The following CLPTM1 variants were observed in gnomAD, a reference collection of about 807,000 sequenced individuals.
CLPTM1 encodes the protein putative lipid scramblase CLPTM1.
A neutral mutation model predicts 77.3 loss-of-function variants in CLPTM1; 21 were observed. The ratio of observed to expected loss-of-function variants is 0.27; its 90% CI spans 0.19 to 0.39. The LOEUF (loss-of-function observed/expected upper bound fraction) is 0.39, where lower values mean the gene tolerates loss of function less well. Ranked by LOEUF, CLPTM1 falls within the 10% of genes least tolerant of loss-of-function variation. The pLI is 1.00. For missense variants in CLPTM1, 642 were observed against 921.2 expected, an observed-to-expected ratio of 0.70 and a Z score of 3.92; for synonymous variants, 373 against 381.0, an observed-to-expected ratio of 0.98 and a Z score of 0.24.
At chr19:44,961,911 G>A in intron 1 of CLPTM1, 52 bp from the exon 2 acceptor site, 1 of 1,275,440 alleles carries the variant, frequency 7.8e-7, no homozygotes, top group Non-Finnish European at 1.1e-6. Flanking sequence ...TGGTGTCTAA[G>A]ACAGCCCCCG....
At chr19:44,965,535 T>C (rs1970614610) in intron 2 of CLPTM1, among the ~76,000 whole-genome samples, 1 of 141,776 alleles carries the variant, frequency 7.1e-6, no homozygotes, top group African/African-American at 2.6e-5. Context: ...CAATCATGGC[T>C]GGGCGCGGTG....
chr19:44,973,761 G>GTTTTTTTT lies in CLPTM1; in HGVS notation c.309+564_309+571dup, dbSNP rs71173113. On this transcript the variant is annotated intron_variant, in intron 3 of 13. Transcript: ENST00000337392. ...GGAAGTTCTTGTTGGGTCACAGTGG[G>GTTTTTTTT]TTTTTTTTTTTTTTTTTTTTGAGAT... Among the ~76,000 whole-genome samples, 347 of 62,324 alleles carry GTTTTTTTT rather than the reference G, an allele frequency of 5.6e-3. 17 individuals carry two copies. Among genetic ancestry groups the GTTTTTTTT allele is most frequent in the East Asian group, 6.7e-3 (18 of 2,696 alleles). The allele number at this position is 62,324 out of a possible 152,430, so 40.9% of individuals were successfully genotyped here. A position where few individuals can be genotyped will look rare whatever the true frequency, so the allele number is the denominator to read the frequency against.
chr19:44,961,480 G>A (rs1970542111), intron 1 of CLPTM1, among the ~76,000 whole-genome samples: 2 of 152,192 alleles, frequency 1.3e-5, no homozygotes, highest in Non-Finnish European at 2.9e-5. Context: ...ACAGTGGACA[G>A]TCATCAGAAT....
Position 44,992,169 on chromosome 19 carries a change from TGCAGAGTGCACAGGGG to T in CLPTM1, c.1556-63_1556-48del. On this transcript the variant is annotated intron_variant, in intron 12 of 13. Transcript: ENST00000337392. This position sits in a 1 kb window ranked among gnomAD's most constrained non-coding sequence, Gnocchi z 7.7. Reference sequence around the variant, plus strand: ...GTGGTGAGGGGGCTGGTATGGCCAGTGCAGAGTGCACAGGGGAGAGGTGGGAGAGGCCATCCCTCTG... The same window carrying T: ...GTGGTGAGGGGGCTGGTATGGCCAGTAGAGGTGGGAGAGGCCATCCCTCTG... 6.4e-7 allele frequency: 1 copy of T among 1,570,078 alleles called. No homozygotes were observed. Among genetic ancestry groups the T allele is most frequent in the Non-Finnish European group, 8.7e-7 (1 of 1,145,394 alleles).
chr19:44,955,478 C>T lies in CLPTM1; in HGVS notation c.72+11C>T. The T allele has an allele frequency of 6.1e-6, 8 of 1,302,358 alleles. No homozygotes were observed. In the South Asian group the frequency reaches 1.9e-4, roughly 31 times the overall value. 80.7% of individuals were successfully genotyped at this position (1,302,358 alleles called of 1,614,324 possible). ...GGCAGCTCCGGTCAGGTACGGAGGC[C>T]GAGAGGGGACTGAGGGGGTTCTTCC... On this transcript the variant is annotated intron_variant, in intron 1 of 13. Coordinates refer to ENST00000337392, the MANE Select transcript of CLPTM1 (RefSeq NM_001294.4).
intron 5 of CLPTM1, among the ~76,000 whole-genome samples, chr19:44,979,788 G>A (rs1018783129): frequency 1.3e-5 from 2 of 152,078 alleles, no homozygotes; most frequent in Non-Finnish European, 2.9e-5. Flanking sequence ...GAAGTGGCTT[G>A]AGGGGGTGTG....
chr19:44,962,588 C>T (rs1970561371), intron 2 of CLPTM1, among the ~76,000 whole-genome samples: 1 of 152,110 alleles, frequency 6.6e-6, no homozygotes, highest in Non-Finnish European at 1.5e-5. Context: ...ACTAGTCATA[C>T]TGGCTTAGTA....
intron 2 of CLPTM1, among the ~76,000 whole-genome samples, chr19:44,963,349 G>A (rs570310947): frequency 9.9e-4 from 145 of 146,364 alleles, no homozygotes; most frequent in African/African-American, 3.4e-3. Context: ...TTTTTGAGAC[G>A]GAGTCTCGCT....
In CLPTM1 at chr19:44,970,829, C is replaced by CT. The variant is rs199584346; in HGVS notation, c.186-2245dup. On this transcript the variant is annotated intron_variant, in intron 2 of 13. Transcript: ENST00000337392. ...CCTGCAAATCCAAGATCCTTTACTT[C>CT]TTTTTTTTTTTTTCCTTGAGATGGA... 3.3e-3 allele frequency among the ~76,000 whole-genome samples: 414 copies of CT among 124,038 alleles called. 34 individuals carry two copies. Among genetic ancestry groups the CT allele is most frequent in the African/African-American group, 9.6e-3 (292 of 30,468 alleles). The allele number at this position is 124,038 out of a possible 152,430, so 81.4% of individuals were successfully genotyped here. A position where few individuals can be genotyped will look rare whatever the true frequency, so the allele number is the denominator to read the frequency against.
Position 44,992,932 on chromosome 19 carries a change from G to A in CLPTM1, c.*35G>A, listed in dbSNP as rs762942367. 41 of 1,601,898 alleles carry A rather than the reference G, an allele frequency of 2.6e-5. No individual in the cohort carries two copies. In the East Asian group the frequency reaches 3.6e-4, roughly 14 times the overall value. ...GTCCTCACCTGCTCCGGCTCCTGGC[G>A]ACCACTACCCCTGCGTCCCGGCCCC... On this transcript the variant is annotated 3_prime_UTR_variant, in exon 14 of 14. Transcript: ENST00000337392. This position sits in a 1 kb window ranked among gnomAD's most constrained non-coding sequence, Gnocchi z 7.7.
upstream of CLPTM1, chr19:44,955,361 G>A (rs540563047): frequency 9.7e-6 from 13 of 1,341,546 alleles, 1 homozygote; most frequent in Non-Finnish European, 9.5e-7. Flanking sequence ...GACGGGGCGG[G>A]GCTGGCGGCG....
At position 44,992,939 on chromosome 19, in the gene CLPTM1, ACCC is replaced by A. The variant is rs753346445; in HGVS notation, c.*44_*46del. 4.4e-6 allele frequency: 7 copies of A among 1,591,520 alleles called. No homozygotes were observed. The highest frequency in any genetic ancestry group is 1.3e-5 in the African/African-American group (1 of 74,408). ...CCTGCTCCGGCTCCTGGCGACCACTACCCCTGCGTCCCGGCCCCCTCGCCTCCC... is the reference window on the plus strand; with the variant it reads ...CCTGCTCCGGCTCCTGGCGACCACTACTGCGTCCCGGCCCCCTCGCCTCCC... On this transcript the variant is annotated 3_prime_UTR_variant, in exon 14 of 14. Transcript: ENST00000337392. This position sits in a 1 kb window ranked among gnomAD's most constrained non-coding sequence, Gnocchi z 7.7.
In CLPTM1 at chr19:44,990,895, T is replaced by A. The variant is rs747220054; in HGVS notation, c.1369T>A (p.Phe457Ile). 2 of 1,613,976 alleles carry A rather than the reference T, an allele frequency of 1.2e-6. No individual in the cohort carries two copies. The highest frequency in any genetic ancestry group is 8.5e-7 in the Non-Finnish European group (1 of 1,179,914). The change falls in exon 11 of 14, where the codon TTC becomes ATC. Residue 457 changes from phenylalanine (F) to isoleucine (I), a missense_variant. Transcript: ENST00000337392. This position sits in a 1 kb window ranked among gnomAD's most constrained non-coding sequence, Gnocchi z 4.8. Reference protein sequence around the residue: ...RVAGIFPRLSFKDKSTYIESS... With the variant: ...RVAGIFPRLSIKDKSTYIESS... ...GGCAGGAATCTTCCCCCGCCTATCC[T>A]TCAAGGACAAGTCCACGTATATCGA...
rs71173113 is a variant in CLPTM1, at chr19:44,973,761, G to GTTTTTTTTT, written c.309+563_309+571dup. On this transcript the variant is annotated intron_variant, in intron 3 of 13. Coordinates refer to ENST00000337392, the MANE Select transcript of CLPTM1 (RefSeq NM_001294.4). ...GGAAGTTCTTGTTGGGTCACAGTGG[G>GTTTTTTTTT]TTTTTTTTTTTTTTTTTTTTGAGAT... Among the ~76,000 whole-genome samples the GTTTTTTTTT allele has an allele frequency of 8.8e-4, 55 of 62,432 alleles. 3 individuals are homozygous for GTTTTTTTTT. The highest frequency in any genetic ancestry group is 1.1e-3 in the East Asian group (3 of 2,696). 41.0% of individuals were successfully genotyped at this position (62,432 alleles called of 152,430 possible).
chr19:44,978,091 C>A (rs1187907656), intron 5 of CLPTM1, among the ~76,000 whole-genome samples: 1 of 149,012 alleles, frequency 6.7e-6, no homozygotes, highest in African/African-American at 2.5e-5. Flanking sequence ...GCCTGGGTGA[C>A]AGACCGAGAA....
intron 9 of CLPTM1, among the ~76,000 whole-genome samples, chr19:44,988,884 A>G (rs571556469): frequency 6.6e-6 from 1 of 152,312 alleles, no homozygotes; most frequent in Admixed American, 6.5e-5. Flanking sequence ...TATTCCTGGT[A>G]TTAAGATGCT....
intron 2 of CLPTM1, among the ~76,000 whole-genome samples, chr19:44,971,196 A>G (rs1212499855): frequency 6.6e-6 from 1 of 152,186 alleles, no homozygotes; most frequent in Non-Finnish European, 1.5e-5. Flanking sequence ...GGTAACCTAC[A>G]GTCGTGTCCA....
upstream of CLPTM1, chr19:44,955,376 C>T: frequency 3.2e-6 from 2 of 631,180 alleles, no homozygotes; most frequent in African/African-American, 2.3e-5. Flanking sequence ...GCGGCGGGGG[C>T]GGGGACCCGG....
intron 3 of CLPTM1, 46 bp from the exon 4 acceptor site, chr19:44,974,393 G>T (rs1970772215): frequency 6.3e-6 from 10 of 1,575,174 alleles, no homozygotes; most frequent in Non-Finnish European, 7.8e-6. Flanking sequence ...GCCTGCAGAG[G>T]CTCTGAAGAG....
Sources: gnomAD v4.1 joint callset for allele counts (sites outside exome capture counted in the v4.1 genomes callset) on GRCh38, gnomAD v4.1.1 for gene constraint, Gnocchi (gnomAD v3.1) non-coding constraint, MANE v1.5 for transcripts, NCBI Gene and HGNC (gene_info 2026-07-23, HGNC 2026-07-21) for gene names.